The following KCNH8 variants were observed in gnomAD, a reference collection of about 807,000 sequenced individuals.
KCNH8 encodes voltage-gated delayed rectifier potassium channel KCNH8.
In KCNH8, 70 loss-of-function variants were observed where a neutral mutation model predicts 103.6. The ratio of observed to expected loss-of-function variants is 0.68; its 90% confidence interval spans 0.56 to 0.82. The LOEUF (loss-of-function observed/expected upper bound fraction) is 0.82. Among genes scored for constraint, KCNH8 ranks in the 40% least tolerant of loss-of-function variants. The probability of loss-of-function intolerance (pLI) is 0.00; values close to 1 mark genes in which losing one functional copy is unlikely to be tolerated. For missense variants in KCNH8, 1,217 were observed against 1,329.9 expected (o/e 0.92, Z 1.32); for synonymous variants, 498 against 489.4 (o/e 1.02, Z -0.23).
At chr3:19,230,609 C>T (rs1362773634) in intron 1 of KCNH8, among the ~76,000 whole-genome samples, 2 of 152,058 alleles carry the variant, frequency 1.3e-5, no homozygotes, top group African/African-American at 4.8e-5. Flanking sequence ...CAAAGCTGTA[C>T]CTTAAAAAAC....
intron 3 of KCNH8, among the ~76,000 whole-genome samples, chr3:19,287,677 C>T (rs1330729694): frequency 5.9e-5 from 9 of 152,256 alleles, no homozygotes; most frequent in African/African-American, 2.2e-4. Context: ...CCTCCACCTC[C>T]CGGGTTCAAG....
At chr3:19,342,471 T>C (rs2065673793) in intron 3 of KCNH8, 116 bp from the exon 4 acceptor site, 23 of 890,924 alleles carry the variant, frequency 2.6e-5, no homozygotes, top group Non-Finnish European at 3.7e-5. Flanking sequence ...TCCAGCAGAT[T>C]ATTGTAGGTA....
rs6779090 is a variant in KCNH8 at position 19,310,116 on chromosome 3, G to A, written c.442+28787G>A. 4.8e-3 allele frequency among the ~76,000 whole-genome samples: 726 copies of A among 151,992 alleles called. 4 individuals carry two copies. Among genetic ancestry groups the A allele is most frequent in the African/African-American group, 0.016 (667 of 41,498 alleles). ...CATTGTACCTGAATATAGTAGTTACGTCTATTTAAAAGGGGAGAAGAAAAC... is the reference window on the plus strand; with the variant it reads ...CATTGTACCTGAATATAGTAGTTACATCTATTTAAAAGGGGAGAAGAAAAC... On this transcript the variant is annotated intron_variant, in intron 3 of 15. Coordinates refer to ENST00000328405, the MANE Select transcript of KCNH8 (RefSeq NM_144633.3).
chr3:19,206,952 G>T (rs2063723013), intron 1 of KCNH8, among the ~76,000 whole-genome samples: 1 of 152,030 alleles, frequency 6.6e-6, no homozygotes, highest in Non-Finnish European at 1.5e-5. Context: ...GGAAATCACG[G>T]GTTTGGTTTT....
At chr3:19,390,970 G>T (rs916524107) in intron 6 of KCNH8, among the ~76,000 whole-genome samples, 4 of 152,064 alleles carry the variant, frequency 2.6e-5, no homozygotes, top group Non-Finnish European at 5.9e-5. Context: ...TACCTAGGCA[G>T]ATACATGTGT....
chr3:19,175,229 T>TC (rs2063385899), intron 1 of KCNH8, among the ~76,000 whole-genome samples: 1 of 151,094 alleles, frequency 6.6e-6, no homozygotes, highest in East Asian at 1.9e-4. Flanking sequence ...AATTTTTTTT[T>TC]TTTTTTTTTT....
intron 5 of KCNH8, among the ~76,000 whole-genome samples, chr3:19,359,548 T>G (rs1170017008): frequency 1.3e-5 from 2 of 151,962 alleles, no homozygotes; most frequent in African/African-American, 4.8e-5. Flanking sequence ...GTGGGACGAC[T>G]GAAGTTTGGG....
At chr3:19,245,943 A>T (rs905359900) in intron 1 of KCNH8, among the ~76,000 whole-genome samples, 1 of 152,166 alleles carries the variant, frequency 6.6e-6, no homozygotes, top group Admixed American at 6.5e-5. Flanking sequence ...CTCTTGCATT[A>T]TTTTTCAATA....
At chr3:19,271,548 C>T (rs2064588547) in intron 2 of KCNH8, among the ~76,000 whole-genome samples, 1 of 152,106 alleles carries the variant, frequency 6.6e-6, no homozygotes, top group Non-Finnish European at 1.5e-5. Flanking sequence ...CCATAATTGT[C>T]CATGATTGTT....
At chr3:19,466,123 G>A (rs773527101) in intron 11 of KCNH8, among the ~76,000 whole-genome samples, 2 of 151,732 alleles carry the variant, frequency 1.3e-5, no homozygotes, top group Non-Finnish European at 2.9e-5. Flanking sequence ...ATGAGGTCTC[G>A]CTATATTGCT....
At chr3:19,355,026 A>G (rs2065860808) in intron 5 of KCNH8, among the ~76,000 whole-genome samples, 1 of 152,218 alleles carries the variant, frequency 6.6e-6, no homozygotes, top group East Asian at 1.9e-4. Flanking sequence ...AACTCAAACA[A>G]ATTTACAAGA....
In KCNH8 at chr3:19,466,649, A is replaced by ATTTT. The variant is rs869048680; in HGVS notation, c.2040+9696_2040+9699dup. On this transcript the variant is annotated intron_variant, in intron 11 of 15. Coordinates refer to ENST00000328405, the MANE Select transcript of KCNH8 (RefSeq NM_144633.3). Reference sequence around the variant, plus strand: ...GATTGTTAACATTTTGTAGCAATACATTTTTTTTTTTTTTTTTTTTTTTTT... The same window carrying ATTTT: ...GATTGTTAACATTTTGTAGCAATACATTTTTTTTTTTTTTTTTTTTTTTTTTTTT... 1.7e-3 allele frequency among the ~76,000 whole-genome samples: 84 copies of ATTTT among 50,642 alleles called. 3 individuals are homozygous for ATTTT. Among genetic ancestry groups the ATTTT allele is most frequent in the Non-Finnish European group, 2.3e-3 (71 of 31,036 alleles). The allele number at this position is 50,642 out of a possible 152,430, so 33.2% of individuals were successfully genotyped here.
chr3:19,306,972 A>G (rs1024697451), intron 3 of KCNH8, among the ~76,000 whole-genome samples: 1 of 152,050 alleles, frequency 6.6e-6, no homozygotes, highest in Admixed American at 6.6e-5. Flanking sequence ...CTCAAAGTAT[A>G]CTAAAAAGCT....
intron 11 of KCNH8, among the ~76,000 whole-genome samples, chr3:19,501,148 C>A (rs1429900958): frequency 1.3e-5 from 2 of 152,182 alleles, no homozygotes; most frequent in East Asian, 1.9e-4. Context: ...ACTACAAACA[C>A]CTCTATGCAA....
At chr3:19,407,549 C>T (rs1396199604) in intron 7 of KCNH8, among the ~76,000 whole-genome samples, 1 of 151,984 alleles carries the variant, frequency 6.6e-6, no homozygotes, top group Non-Finnish European at 1.5e-5. Context: ...ATCCTTTCTT[C>T]TCCATGGTCA....
chr3:19,412,214 A>T (rs942668099), intron 7 of KCNH8, among the ~76,000 whole-genome samples: 1 of 152,126 alleles, frequency 6.6e-6, no homozygotes, highest in African/African-American at 2.4e-5. Context: ...AATGGGAAAG[A>T]GTAGAGAACC....
At chr3:19,352,849 C>A (rs1467189762) in intron 5 of KCNH8, among the ~76,000 whole-genome samples, 1 of 152,028 alleles carries the variant, frequency 6.6e-6, no homozygotes, top group East Asian at 1.9e-4. Flanking sequence ...CAAACACATT[C>A]AAAAGCTAGC....
intron 7 of KCNH8, among the ~76,000 whole-genome samples, chr3:19,395,616 G>A (rs1049221557): frequency 5.9e-5 from 9 of 151,908 alleles, no homozygotes; most frequent in Non-Finnish European, 1.0e-4. Context: ...GAAATGTTCC[G>A]ATGCAGGGCT....
chr3:19,352,259 C>CT (rs958391850), intron 5 of KCNH8, among the ~76,000 whole-genome samples: 26 of 152,160 alleles, frequency 1.7e-4, no homozygotes, highest in Non-Finnish European at 3.5e-4. Context: ...TACAAAGAGA[C>CT]TTAGACTCCC....
Sources: gnomAD v4.1 joint callset for allele counts (sites outside exome capture counted in the v4.1 genomes callset) on GRCh38, gnomAD v4.1.1 for gene constraint, MANE v1.5 for transcripts, NCBI Gene and HGNC (gene_info 2026-07-23, HGNC 2026-07-21) for gene names.